NCKAP5: variants seen among roughly 807,000 people sequenced by gnomAD.
NCKAP5 encodes the protein nck-associated protein 5.
NCKAP5 carries 92 observed loss-of-function variants against 167.0 expected under a neutral mutation model. The observed-to-expected ratio is 0.55, with a 90% CI of 0.47 to 0.66. NCKAP5 has a LOEUF of 0.66. Among genes scored for constraint, NCKAP5 ranks in the 30% least tolerant of loss-of-function variants. The pLI is 0.00. For missense variants in NCKAP5, 2,378 were observed against 2,315.0 expected (o/e 1.03, Z -0.56); for synonymous variants, 891 against 877.4 (o/e 1.02, Z -0.27).
chr2:133,470,481 C>T (rs1379102884), intron 3 of NCKAP5, among the ~76,000 whole-genome samples: 2 of 152,198 alleles, frequency 1.3e-5, no homozygotes, highest in East Asian at 1.9e-4. Context: ...TGTGCCCTGC[C>T]CCCAGAGGTG....
At chr2:132,861,508 A>G (rs1179324979) in intron 10 of NCKAP5, among the ~76,000 whole-genome samples, 9 of 152,188 alleles carry the variant, frequency 5.9e-5, no homozygotes, top group Admixed American at 3.9e-4. Flanking sequence ...TAATAAAAAA[A>G]AAAATGTCTT....
chr2:133,565,999 A>C (rs1391955569), intron 1 of NCKAP5, among the ~76,000 whole-genome samples: 1 of 152,230 alleles, frequency 6.6e-6, no homozygotes, highest in Non-Finnish European at 1.5e-5. Context: ...AGGGCAAAAA[A>C]TGGCACAAGA....
At chr2:133,661,581 T>C in the NCKAP5 span, among the ~76,000 whole-genome samples, 1 of 152,196 alleles carries the variant, frequency 6.6e-6, no homozygotes, top group African/African-American at 2.4e-5. Context: ...TCGCCCACAC[T>C]CATGAATCCC....
At chr2:133,105,969 C>T (rs1367933249) in intron 6 of NCKAP5, among the ~76,000 whole-genome samples, 5 of 152,118 alleles carry the variant, frequency 3.3e-5, no homozygotes, top group Non-Finnish European at 7.3e-5. Flanking sequence ...ATGTGCTCTT[C>T]TCACCGACCC....
the NCKAP5 span, among the ~76,000 whole-genome samples, chr2:133,628,246 A>G: frequency 6.6e-6 from 1 of 152,180 alleles, no homozygotes; most frequent in Non-Finnish European, 1.5e-5. Context: ...AGAAAACCCT[A>G]TAGTCTCAAC....
intron 19 of NCKAP5, among the ~76,000 whole-genome samples, chr2:132,705,811 C>A (rs1367469065): frequency 6.6e-6 from 1 of 152,178 alleles, no homozygotes; most frequent in Non-Finnish European, 1.5e-5. Flanking sequence ...ATTTTACAAC[C>A]TAAGGACGTC....
intron 11 of NCKAP5, among the ~76,000 whole-genome samples, chr2:132,857,308 T>C (rs1365759258): frequency 1.3e-5 from 2 of 152,198 alleles, no homozygotes; most frequent in African/African-American, 4.8e-5. Context: ...CCACATTTAA[T>C]ACAATTTCTG....
intron 19 of NCKAP5, among the ~76,000 whole-genome samples, chr2:132,673,969 T>A (rs1684090660): frequency 6.6e-6 from 1 of 152,172 alleles, no homozygotes; most frequent in African/African-American, 2.4e-5. Context: ...CTGTTATTAA[T>A]ACCCTGTATG....
intron 4 of NCKAP5, among the ~76,000 whole-genome samples, chr2:133,278,793 A>AAC (rs1320971903): frequency 3.3e-5 from 5 of 151,900 alleles, no homozygotes; most frequent in African/African-American, 1.2e-4. Context: ...AAAAAAAAAA[A>AAC]AAAAAACCCT....
the NCKAP5 span, among the ~76,000 whole-genome samples, chr2:133,615,983 C>A: frequency 1.4e-4 from 21 of 150,120 alleles, no homozygotes; most frequent in East Asian, 3.9e-3. Context: ...AACTAGAACT[C>A]AGGATTAAGA....
chr2:133,040,792 AT>A (rs2079192787), intron 6 of NCKAP5, among the ~76,000 whole-genome samples: 1 of 152,208 alleles, frequency 6.6e-6, no homozygotes, highest in Non-Finnish European at 1.5e-5. Flanking sequence ...ACAAAAGGGA[AT>A]TGATTTAGAT....
chr2:132,951,873 C>T (rs923864867), intron 8 of NCKAP5, among the ~76,000 whole-genome samples: 1 of 152,158 alleles, frequency 6.6e-6, no homozygotes, highest in African/African-American at 2.4e-5. Flanking sequence ...AATTTTTATT[C>T]ATGACACTTC....
chr2:132,977,388 A>G (rs1262709852), intron 7 of NCKAP5, among the ~76,000 whole-genome samples: 1 of 152,162 alleles, frequency 6.6e-6, no homozygotes, highest in Non-Finnish European at 1.5e-5. Flanking sequence ...CACTAAATTG[A>G]TTTTCTCTCT....
At chr2:133,668,145 G>T in the NCKAP5 span, among the ~76,000 whole-genome samples, 500 of 151,968 alleles carry the variant, frequency 3.3e-3, 9 homozygotes, top group African/African-American at 0.012. Flanking sequence ...ATATTCTATT[G>T]TATGGATATA....
At chr2:133,463,723 A>C (rs1419232519) in intron 3 of NCKAP5, among the ~76,000 whole-genome samples, 2 of 152,256 alleles carry the variant, frequency 1.3e-5, no homozygotes, top group African/African-American at 4.8e-5. Context: ...ATGTTCTTCC[A>C]AATGAAGTGT....
At chr2:132,770,572 A>C (rs1021383437) in intron 16 of NCKAP5, among the ~76,000 whole-genome samples, 3 of 151,872 alleles carry the variant, frequency 2.0e-5, no homozygotes, top group Non-Finnish European at 4.4e-5. Flanking sequence ...CACTTTGAAG[A>C]GATACATCTG....
intron 8 of NCKAP5, among the ~76,000 whole-genome samples, chr2:132,957,188 G>A (rs747936514): frequency 2.6e-4 from 40 of 152,084 alleles, no homozygotes; most frequent in Admixed American, 6.6e-5. Flanking sequence ...ACAATTGCAT[G>A]CTAATTTTGC....
At chr2:133,604,898 G>T in the NCKAP5 span, among the ~76,000 whole-genome samples, 1 of 152,122 alleles carries the variant, frequency 6.6e-6, no homozygotes, top group East Asian at 1.9e-4. Context: ...GGTCTAAGAA[G>T]CCCCCCTACT....
chr2:132,889,109 G>A (rs1001902459), intron 8 of NCKAP5, among the ~76,000 whole-genome samples: 1 of 152,146 alleles, frequency 6.6e-6, no homozygotes, highest in South Asian at 2.1e-4. Flanking sequence ...AGGATGAGAT[G>A]CCTTGCAGAG....
Sources: gnomAD v4.1 joint callset for allele counts (sites outside exome capture counted in the v4.1 genomes callset) on GRCh38, gnomAD v4.1.1 for gene constraint, MANE v1.5 for transcripts, NCBI Gene and HGNC (gene_info 2026-07-23, HGNC 2026-07-21) for gene names.